Variants in AEBP2 observed in about 807,000 individuals in gnomAD.
AEBP2 encodes the protein AE binding protein 2, also known as zinc finger protein AEBP2.
AEBP2 carries 10 observed loss-of-function variants against 50.8 expected under a neutral mutation model. That is an observed-to-expected ratio of 0.20 (90% confidence interval 0.12 to 0.33). AEBP2 has a LOEUF of 0.33. AEBP2 is among the 10% of genes least tolerant of loss of function. The pLI is 1.00. For missense variants in AEBP2, 570 were observed against 688.0 expected, an observed-to-expected ratio of 0.83 and a Z score of 1.92; for synonymous variants, 296 against 261.3, an observed-to-expected ratio of 1.13 and a Z score of -1.28.
chr12:19,429,444 G>A (rs1396822527), intron 1 of AEBP2, among the ~76,000 whole-genome samples: 1 of 152,154 alleles, frequency 6.6e-6, no homozygotes, highest in African/African-American at 2.4e-5. Flanking sequence ...ACACACGTGT[G>A]CATGTGTCTT....
intron 1 of AEBP2, chr12:19,440,794 G>T: frequency 6.6e-7 from 1 of 1,526,300 alleles, no homozygotes; most frequent in East Asian, 2.4e-5. Context: ...TTTCCAATAT[G>T]GCTGGTCTCG....
In AEBP2 at chr12:19,456,624, G is replaced by A. The variant is rs1184215982; in HGVS notation, c.672-5886G>A. The stretch of plus-strand genomic sequence containing the variant: ...AATCACCTGAGCAGTGAAGCCAGCC[G>A]CTTCCATTGGTGGGTCATCTTTGCT... On this transcript the variant is annotated intron_variant, in intron 1 of 7. Coordinates refer to ENST00000266508, the MANE Select transcript of AEBP2 (RefSeq NM_153207.5). 5.9e-6 allele frequency: 9 copies of A among 1,519,848 alleles called. No homozygotes were observed. In the East Asian group the frequency reaches 1.1e-4, roughly 19 times the overall value. 94.1% of individuals were successfully genotyped at this position (1,519,848 alleles called of 1,614,324 possible).
chr12:19,520,322 T>C lies in AEBP2; in HGVS notation c.*2205T>C, dbSNP rs952974710. The C allele has an allele frequency of 6.6e-6, 1 of 152,194 alleles. No homozygotes were observed. The highest frequency in any genetic ancestry group is 6.5e-5 in the Admixed American group (1 of 15,278). The allele number at this position is 152,194 out of a possible 1,614,324, so 9.4% of individuals were successfully genotyped here. On this transcript the variant is annotated 3_prime_UTR_variant, in exon 8 of 8. Coordinates refer to ENST00000266508, the MANE Select transcript of AEBP2 (RefSeq NM_153207.5). ...TATAGAGCACAGTAAATAAGTTTTT[T>C]CATTGTGTAGAAATACTTAGATGTC...
chr12:19,487,675 G>A (rs1433470258), intron 3 of AEBP2, among the ~76,000 whole-genome samples: 1 of 151,854 alleles, frequency 6.6e-6, no homozygotes, highest in Non-Finnish European at 1.5e-5. Flanking sequence ...CCGAGGTCAC[G>A]CCACTGCACT....
Position 19,421,727 on chromosome 12 carries a change from T to A in AEBP2, c.-17+17511T>A, listed in dbSNP as rs73335386. Among the ~76,000 whole-genome samples the A allele has an allele frequency of 6.6e-3, 1,010 of 152,358 alleles. 8 individuals are homozygous for A. The highest frequency in any genetic ancestry group is 0.02 in the African/African-American group (823 of 41,586). On this transcript the variant is annotated intron_variant, in intron 1 of 3. Transcript: ENST00000538425. ...GGGGCCTGGAGGCCCCTGATGTGCATGTTGTTGTTCCTGTAGTTAGTTGTT... is the reference window on the plus strand; with the variant it reads ...GGGGCCTGGAGGCCCCTGATGTGCAAGTTGTTGTTCCTGTAGTTAGTTGTT...
intron 4 of AEBP2, among the ~76,000 whole-genome samples, chr12:19,496,048 C>T (rs1044594330): frequency 6.6e-6 from 1 of 152,076 alleles, no homozygotes; most frequent in Non-Finnish European, 1.5e-5. Context: ...ATGACTTTTC[C>T]ACCAGTTTCA....
At chr12:19,455,284 C>T (rs1039391251) in intron 1 of AEBP2, among the ~76,000 whole-genome samples, 5 of 152,064 alleles carry the variant, frequency 3.3e-5, no homozygotes, top group Non-Finnish European at 5.9e-5. Flanking sequence ...TGAGCCACTG[C>T]GCCTGGCAGA....
chr12:19,414,199 T>A (rs2095741010), intron 1 of AEBP2, among the ~76,000 whole-genome samples: 1 of 152,012 alleles, frequency 6.6e-6, no homozygotes, highest in South Asian at 2.1e-4. Flanking sequence ...GCCAACAAGG[T>A]CTTTATGACC....
At chr12:19,436,536 G>A (rs1947863137), upstream of AEBP2, among the ~76,000 whole-genome samples, 1 of 151,692 alleles carries the variant, frequency 6.6e-6, no homozygotes, top group African/African-American at 2.4e-5. Context: ...TCGGGATCGG[G>A]GCCCCTTTCT....
At chr12:19,511,905 A>G (rs187313954) in intron 5 of AEBP2, among the ~76,000 whole-genome samples, 6 of 152,248 alleles carry the variant, frequency 3.9e-5, no homozygotes, top group Admixed American at 6.5e-5. Flanking sequence ...TTCCTGTGTC[A>G]TGGAGTTTTC....
At chr12:19,493,126 T>TA (rs1475560923) in intron 3 of AEBP2, among the ~76,000 whole-genome samples, 1 of 152,012 alleles carries the variant, frequency 6.6e-6, no homozygotes, top group Non-Finnish European at 1.5e-5. Context: ...AATCCAGAAA[T>TA]ACAGCTGGCT....
intron 1 of AEBP2, among the ~76,000 whole-genome samples, chr12:19,450,214 C>A (rs1052455792): frequency 3.3e-5 from 5 of 151,766 alleles, no homozygotes; most frequent in African/African-American, 1.2e-4. Flanking sequence ...AAGTGACCAC[C>A]CCATTGCCCT....
intron 1 of AEBP2, chr12:19,456,357 A>T: frequency 1.4e-6 from 2 of 1,389,564 alleles, no homozygotes; most frequent in East Asian, 2.3e-5. Flanking sequence ...CATATCATGA[A>T]CAGCAGCGCG....
intron 3 of AEBP2, among the ~76,000 whole-genome samples, chr12:19,479,283 A>G (rs1377830572): frequency 2.0e-5 from 3 of 152,116 alleles, no homozygotes; most frequent in Admixed American, 1.3e-4. Context: ...GTTTAAATCC[A>G]TTATTTCTTT....
At chr12:19,425,807 G>T (rs1218863638) in intron 1 of AEBP2, among the ~76,000 whole-genome samples, 3 of 151,414 alleles carry the variant, frequency 2.0e-5, no homozygotes, top group Non-Finnish European at 4.4e-5. Flanking sequence ...GGAATTAAAG[G>T]TATTCAAGGT....
rs891586698 is a variant in AEBP2 at position 19,520,426 on chromosome 12, G to T, written c.*2309G>T. 6.6e-6 allele frequency: 1 copy of T among 152,068 alleles called. No homozygotes were observed. The highest frequency in any genetic ancestry group is 6.6e-5 in the Admixed American group (1 of 15,262). 9.4% of individuals were successfully genotyped at this position (152,068 alleles called of 1,614,324 possible). On this transcript the variant is annotated 3_prime_UTR_variant, in exon 8 of 8. Transcript: ENST00000266508. ...TCCTTTTGCTGCTTATCTGATGTTG[G>T]TTTGATACTGTTAACACACCAAAAA... is the stretch of plus-strand genomic sequence containing the variant.
At chr12:19,429,272 C>T (rs1468978960) in intron 1 of AEBP2, among the ~76,000 whole-genome samples, 1 of 152,142 alleles carries the variant, frequency 6.6e-6, no homozygotes, top group Non-Finnish European at 1.5e-5. Context: ...ATGATGGTTT[C>T]CAGCTTCATC....
intron 5 of AEBP2, among the ~76,000 whole-genome samples, chr12:19,501,176 A>G (rs1158822057): frequency 1.3e-5 from 2 of 152,032 alleles, no homozygotes; most frequent in African/African-American, 2.4e-5. Flanking sequence ...CTAAAAATAC[A>G]AAAAATTACC....
Position 19,462,727 on chromosome 12 carries a change from G to T in AEBP2, c.879+10G>T. On this transcript the variant is annotated intron_variant, in intron 2 of 7. Transcript: ENST00000266508. The stretch of plus-strand genomic sequence containing the variant: ...TGGTCAGCGAGGAGGGGTTGGTTTT[G>T]TCATTTCTTTTTTTCGCTCCCTGTT... 2 of 1,561,562 alleles carry T rather than the reference G, an allele frequency of 1.3e-6. No homozygotes were observed. The highest frequency in any genetic ancestry group is 1.7e-6 in the Non-Finnish European group (2 of 1,147,310).
Sources: allele counts gnomAD v4.1 joint callset (sites outside exome capture counted in the v4.1 genomes callset), GRCh38; gene constraint gnomAD v4.1.1; transcripts MANE v1.5; gene names NCBI Gene and HGNC (gene_info 2026-07-23, HGNC 2026-07-21).